The following GRID2 variants were observed in gnomAD, a reference collection of about 807,000 sequenced individuals.
GRID2 encodes the protein glutamate ionotropic receptor delta type subunit 2, also known as glutamate receptor ionotropic, delta-2.
GRID2 carries 33 observed loss-of-function variants against 114.8 expected under a neutral mutation model. That is an observed-to-expected ratio of 0.29 (90% CI 0.22 to 0.38). The LOEUF is 0.38. Ranked by LOEUF, GRID2 falls within the 10% of genes least tolerant of loss-of-function variation. The pLI is 1.00. For synonymous variants in GRID2, 505 were observed against 449.9 expected (o/e 1.12, Z -1.55); for missense variants, 1,184 against 1,257.7 (o/e 0.94, Z 0.89).
rs199922199 is a variant in GRID2 at position 92,825,044 on chromosome 4, AT to A, written c.244+234766del. 3.8e-3 allele frequency among the ~76,000 whole-genome samples: 581 copies of A among 152,096 alleles called. 2 individuals are homozygous for A. Among genetic ancestry groups the A allele is most frequent in the African/African-American group, 0.013 (551 of 41,524 alleles). ...TAAAGTATAATTAAAAATACATAAA[AT>A]TTTTTTTAAAAGTACTAACATATAT... On this transcript the variant is annotated intron_variant, in intron 2 of 15. Transcript: ENST00000282020.
At chr4:93,418,763 G>A (rs933103363) in intron 9 of GRID2, among the ~76,000 whole-genome samples, 11 of 151,904 alleles carry the variant, frequency 7.2e-5, no homozygotes, top group Non-Finnish European at 1.6e-4. Flanking sequence ...ATTATTTGAA[G>A]GAATCATGTT....
At chr4:93,274,685 A>G (rs1394214733) in intron 8 of GRID2, among the ~76,000 whole-genome samples, 4 of 152,046 alleles carry the variant, frequency 2.6e-5, no homozygotes, top group Non-Finnish European at 4.4e-5. Flanking sequence ...ACTTTGAAGC[A>G]TATTCAAAGA....
intron 8 of GRID2, among the ~76,000 whole-genome samples, chr4:93,258,019 CACACACACAATACTGGTAATACTAATAT>C (rs1749814032): frequency 6.8e-6 from 1 of 148,026 alleles, no homozygotes; most frequent in Non-Finnish European, 1.5e-5. Flanking sequence ...CACACACACA[CACACACACAATACTGGTAATACTAATAT>C]ACACAATACT....
chr4:93,287,554 G>T (rs2149138574), intron 8 of GRID2, among the ~76,000 whole-genome samples: 1 of 152,210 alleles, frequency 6.6e-6, no homozygotes, highest in East Asian at 1.9e-4. Context: ...CTATGACAAG[G>T]AGAAATTCAG....
chr4:93,380,796 A>G (rs1763778508), intron 8 of GRID2, among the ~76,000 whole-genome samples: 1 of 152,046 alleles, frequency 6.6e-6, no homozygotes, highest in Non-Finnish European at 1.5e-5. Flanking sequence ...AAAATACTCT[A>G]AAGCATATTG....
intron 2 of GRID2, among the ~76,000 whole-genome samples, chr4:92,744,473 G>A (rs576161057): frequency 8.0e-4 from 116 of 144,684 alleles, no homozygotes; most frequent in African/African-American, 2.8e-3. Context: ...GGGCGACAGA[G>A]CAATCCTCCA....
chr4:93,156,530 C>T (rs1374242888), intron 4 of GRID2, among the ~76,000 whole-genome samples: 1 of 151,606 alleles, frequency 6.6e-6, no homozygotes, highest in Non-Finnish European at 1.5e-5. Context: ...GTAGTGTTGA[C>T]AGATCATGGT....
intron 2 of GRID2, among the ~76,000 whole-genome samples, chr4:93,042,295 C>CTA (rs1553971502): frequency 4.7e-4 from 45 of 95,174 alleles, no homozygotes; most frequent in South Asian, 2.1e-3. Context: ...CTCTCTCTCT[C>CTA]TCTCTATATA....
intron 14 of GRID2, among the ~76,000 whole-genome samples, chr4:93,755,269 A>G (rs1442316404): frequency 6.6e-6 from 1 of 152,202 alleles, no homozygotes; most frequent in African/African-American, 2.4e-5. Context: ...AAATAGATAC[A>G]TTATCTAAAG....
intron 2 of GRID2, among the ~76,000 whole-genome samples, chr4:92,984,778 T>G (rs1028911292): frequency 5.3e-5 from 8 of 152,150 alleles, no homozygotes; most frequent in Admixed American, 4.6e-4. Flanking sequence ...TCTTTTTTTT[T>G]TTTTCCCAGT....
intron 14 of GRID2, among the ~76,000 whole-genome samples, chr4:93,660,702 A>T (rs1166979754): frequency 6.6e-6 from 1 of 152,206 alleles, no homozygotes; most frequent in African/African-American, 2.4e-5. Context: ...TTAGCCTGCC[A>T]CAGTTTCATA....
At chr4:93,380,715 G>A (rs996555725) in intron 8 of GRID2, among the ~76,000 whole-genome samples, 1 of 151,894 alleles carries the variant, frequency 6.6e-6, no homozygotes, top group Non-Finnish European at 1.5e-5. Context: ...AATTTCAGAG[G>A]CAAAGGCTAC....
At chr4:93,520,132 T>C (rs13102803) in intron 13 of GRID2, among the ~76,000 whole-genome samples, 122,387 of 152,140 alleles carry the variant, frequency 0.8, 50,034 homozygotes, top group African/African-American at 0.95. Flanking sequence ...GGCTGAAAAA[T>C]TCAGTGGACT....
intron 1 of GRID2, among the ~76,000 whole-genome samples, chr4:92,528,134 C>T (rs1042959558): frequency 6.6e-6 from 1 of 151,832 alleles, no homozygotes; most frequent in Non-Finnish European, 1.5e-5. Context: ...CAAAATTACT[C>T]TTCTTAAAAC....
chr4:92,674,586 G>C (rs1043401398), intron 2 of GRID2, among the ~76,000 whole-genome samples: 4 of 151,984 alleles, frequency 2.6e-5, no homozygotes, highest in African/African-American at 9.7e-5. Flanking sequence ...ACAGTGGCAC[G>C]ATCTCAGCTC....
intron 2 of GRID2, among the ~76,000 whole-genome samples, chr4:93,023,368 A>G (rs1723577884): frequency 6.6e-6 from 1 of 151,980 alleles, no homozygotes. Context: ...TCTGTTAAAG[A>G]TACACAATAG....
chr4:92,639,506 C>T (rs1352928155), intron 2 of GRID2, among the ~76,000 whole-genome samples: 2 of 151,764 alleles, frequency 1.3e-5, no homozygotes, highest in African/African-American at 4.8e-5. Context: ...GCTTCAAGTT[C>T]TGTTCTGCCA....
intron 2 of GRID2, among the ~76,000 whole-genome samples, chr4:92,820,493 A>G (rs1000252886): frequency 6.6e-6 from 1 of 152,170 alleles, no homozygotes; most frequent in Non-Finnish European, 1.5e-5. Flanking sequence ...TGTTAGCAGC[A>G]AATGAAAACA....
At chr4:93,160,280 T>G (rs952144007) in intron 4 of GRID2, among the ~76,000 whole-genome samples, 22 of 151,848 alleles carry the variant, frequency 1.4e-4, no homozygotes, top group Admixed American at 1.3e-3. Context: ...GTAATCAATA[T>G]AGATAAGGTA....
Sources: gnomAD v4.1 joint callset for allele counts (sites outside exome capture counted in the v4.1 genomes callset) on GRCh38, gnomAD v4.1.1 for gene constraint, MANE v1.5 for transcripts, NCBI Gene and HGNC (gene_info 2026-07-23, HGNC 2026-07-21) for gene names.